The following GADL1 variants were observed in gnomAD, a reference collection of about 807,000 sequenced individuals.
GADL1 encodes the protein GAD like acidic amino acid decarboxylase 1.
Under a neutral mutation model 69.5 loss-of-function variants are expected in GADL1, and 71 were observed. That is an observed-to-expected ratio of 1.02 (90% CI 0.84 to 1.25). The LOEUF (loss-of-function observed/expected upper bound fraction) is 1.25, where lower values mean the gene tolerates loss of function less well. Ranked by LOEUF, GADL1 falls within the 50% of genes most tolerant of loss-of-function variation. The pLI is 0.00. For synonymous variants in GADL1, 254 were observed against 214.4 expected (o/e 1.18, Z -1.62); for missense variants, 737 against 631.8 (o/e 1.17, Z -1.79).
intron 2 of GADL1, among the ~76,000 whole-genome samples, chr3:30,858,609 CAAT>C (rs1698266654): frequency 6.6e-6 from 1 of 151,840 alleles, no homozygotes; most frequent in African/African-American, 2.4e-5. Flanking sequence ...TGGATGGCAG[CAAT>C]GGGGATAGCA....
chr3:30,891,097 T>A (rs11713775), intron 1 of GADL1, among the ~76,000 whole-genome samples: 1 of 151,780 alleles, frequency 6.6e-6, no homozygotes, highest in Non-Finnish European at 1.5e-5. Context: ...GTGGTGAGTC[T>A]GCCTGCTCCC....
Position 30,755,270 on chromosome 3 carries a change from G to A in GADL1, c.1392+22909C>T, listed in dbSNP as rs573521712. On this transcript the variant is annotated intron_variant, in intron 14 of 14. Transcript: ENST00000282538. ...AAATATTCAAAGATGTTTACATGGT[G>A]AAACCATCAGCTTGATTTATTAACC... 3.6e-5 allele frequency among the ~76,000 whole-genome samples: 5 copies of A among 138,554 alleles called. No homozygotes were observed. In the South Asian group the frequency reaches 1.0e-3, roughly 28 times the overall value. The allele number at this position is 138,554 out of a possible 152,430, so 90.9% of individuals were successfully genotyped here. A position where few individuals can be genotyped will look rare whatever the true frequency, so the allele number is the denominator to read the frequency against.
chr3:30,888,602 G>T (rs1245834794), intron 1 of GADL1, among the ~76,000 whole-genome samples: 1 of 152,016 alleles, frequency 6.6e-6, no homozygotes, highest in Non-Finnish European at 1.5e-5. Flanking sequence ...ACGCAATAGG[G>T]GTACTGCCTT....
At chr3:30,844,165 GCA>G (rs753914266) in intron 8 of GADL1, 43 bp downstream of exon 8, 21 of 1,481,074 alleles carry the variant, frequency 1.4e-5, no homozygotes, top group East Asian at 4.5e-5. Context: ...GGGCGTGCGC[GCA>G]CACACACACG....
At chr3:30,834,099 T>C (rs1697834209) in intron 10 of GADL1, 118 bp downstream of exon 10, 3 of 1,013,908 alleles carry the variant, frequency 3.0e-6, no homozygotes, top group Non-Finnish European at 4.6e-6. Context: ...GATTTTTTGT[T>C]GTTGTTTATT....
At chr3:30,778,586 T>G (rs926278989) in intron 13 of GADL1, 1 of 217,100 alleles carries the variant, frequency 4.6e-6, no homozygotes, top group Non-Finnish European at 9.3e-6. Flanking sequence ...TGCTCAGAGA[T>G]GCCCTGGATC....
chr3:30,830,214 C>T (rs1697764852), intron 11 of GADL1, among the ~76,000 whole-genome samples: 1 of 151,814 alleles, frequency 6.6e-6, no homozygotes, highest in African/African-American at 2.4e-5. Context: ...TACCCTATGC[C>T]TGGAAGTCGA....
chr3:30,772,117 A>C (rs1696430878), intron 14 of GADL1, among the ~76,000 whole-genome samples: 1 of 152,074 alleles, frequency 6.6e-6, no homozygotes, highest in African/African-American at 2.4e-5. Flanking sequence ...ACTCTTTCTA[A>C]AGATATCTGG....
rs150017423 is a variant in GADL1, at chr3:30,752,394, A to G, written c.1393-23979T>C. 4.6e-3 allele frequency among the ~76,000 whole-genome samples: 693 copies of G among 152,246 alleles called. 4 individuals are homozygous for G. Among genetic ancestry groups the G allele is most frequent in the African/African-American group, 0.016 (666 of 41,510 alleles). On this transcript the variant is annotated intron_variant, in intron 14 of 14. Coordinates refer to ENST00000282538, the MANE Select transcript of GADL1 (RefSeq NM_207359.3). ...AGTGGTGCACCTTGCATGGAGATAGACATGTATGGTGAAAGAGGATGGGAG... is the reference window on the plus strand; with the variant it reads ...AGTGGTGCACCTTGCATGGAGATAGGCATGTATGGTGAAAGAGGATGGGAG...
At chr3:30,777,923 T>C (rs1242267464) in intron 14 of GADL1, among the ~76,000 whole-genome samples, 2 of 152,198 alleles carry the variant, frequency 1.3e-5, no homozygotes, top group Non-Finnish European at 2.9e-5. Context: ...CAGATGTCAC[T>C]TCCTGAAGTA....
chr3:30,739,413 T>A (rs1336951993), intron 14 of GADL1, among the ~76,000 whole-genome samples: 1 of 152,160 alleles, frequency 6.6e-6, no homozygotes, highest in Non-Finnish European at 1.5e-5. Flanking sequence ...CTGTATCTTA[T>A]CTTGTTTATA....
At chr3:30,754,589 C>T (rs555839385) in intron 14 of GADL1, among the ~76,000 whole-genome samples, 2 of 151,536 alleles carry the variant, frequency 1.3e-5, no homozygotes, top group East Asian at 3.9e-4. Flanking sequence ...ATTTAAGCTT[C>T]ATGGAGTTTG....
At chr3:30,789,500 G>T (rs1237405218) in intron 12 of GADL1, among the ~76,000 whole-genome samples, 1 of 152,118 alleles carries the variant, frequency 6.6e-6, no homozygotes, top group Non-Finnish European at 1.5e-5. Flanking sequence ...AAAGTCACCA[G>T]CTGCATTAGC....
intron 11 of GADL1, among the ~76,000 whole-genome samples, chr3:30,808,455 G>A (rs749917955): frequency 7.4e-5 from 11 of 149,408 alleles, no homozygotes; most frequent in East Asian, 2.0e-4. Context: ...CTGAGACAGC[G>A]TTACTGCACG....
chr3:30,878,827 C>T (rs1698608931), intron 1 of GADL1, among the ~76,000 whole-genome samples: 1 of 151,812 alleles, frequency 6.6e-6, no homozygotes, highest in South Asian at 2.1e-4. Flanking sequence ...CTGTCTTCCA[C>T]ATGAGCCCAC....
chr3:30,763,161 T>C (rs556629233), intron 14 of GADL1, among the ~76,000 whole-genome samples: 22 of 152,234 alleles, frequency 1.4e-4, no homozygotes, highest in Admixed American at 1.2e-3. Flanking sequence ...ATATACATAC[T>C]CCTCAGCTTA....
chr3:30,887,415 C>G (rs1236354391), intron 1 of GADL1, among the ~76,000 whole-genome samples: 1 of 151,990 alleles, frequency 6.6e-6, no homozygotes, highest in Non-Finnish European at 1.5e-5. Context: ...AGGAAGGGAA[C>G]CTGGTAGCTT....
chr3:30,852,916 G>A (rs923505481), intron 4 of GADL1, among the ~76,000 whole-genome samples: 6 of 152,076 alleles, frequency 3.9e-5, no homozygotes, highest in Non-Finnish European at 7.4e-5. Flanking sequence ...TACCCTCACT[G>A]TAACTGATTG....
intron 14 of GADL1, among the ~76,000 whole-genome samples, chr3:30,758,654 G>A (rs1041033919): frequency 1.3e-5 from 2 of 152,198 alleles, no homozygotes; most frequent in African/African-American, 4.8e-5. Context: ...CTTGGTGGAA[G>A]AAGAGAGTAA....
Sources: gnomAD v4.1 joint callset for allele counts (sites outside exome capture counted in the v4.1 genomes callset) on GRCh38, gnomAD v4.1.1 for gene constraint, MANE v1.5 for transcripts, NCBI Gene and HGNC (gene_info 2026-07-23, HGNC 2026-07-21) for gene names.